Variants in B4GALNT2 observed in about 807,000 individuals in gnomAD.
The protein encoded by B4GALNT2 is N-acetylneuraminylgalactosylglucosyl-glucoside beta-1,4-N- acetylgalactosaminyltransferase 2.
Under a neutral mutation model 51.1 loss-of-function variants are expected in B4GALNT2, and 42 were observed. The ratio of observed to expected loss-of-function variants is 0.82; its 90% confidence interval spans 0.64 to 1.06. The LOEUF is 1.06. Among genes scored for constraint, B4GALNT2 ranks in the 50% least tolerant of loss-of-function variants. B4GALNT2 has a pLI of 0.00. For synonymous variants in B4GALNT2, 253 were observed against 251.7 expected (o/e 1.01, Z -0.05); for missense variants, 602 against 633.6 (o/e 0.95, Z 0.54).
rs1408428342 is a variant in B4GALNT2, at chr17:49,173,332, T to C, written c.*3604T>C. On this transcript the variant is annotated 3_prime_UTR_variant, in exon 11 of 11. Transcript: ENST00000393354. ...TGATAGGCCTATTAAAAGCAGTCAA[T>C]ACCTCAATTACAGCTATAAGCTCTG... 1 of 152,210 alleles carries C rather than the reference T, an allele frequency of 6.6e-6. No homozygotes were observed. The highest frequency in any genetic ancestry group is 2.4e-5 in the African/African-American group (1 of 41,438). The allele number at this position is 152,210 out of a possible 1,614,324, so 9.4% of individuals were successfully genotyped here.
intron 9 of B4GALNT2, 104 bp downstream of exon 9, chr17:49,166,358 G>C (rs1413813161): frequency 1.4e-6 from 1 of 730,500 alleles, no homozygotes; most frequent in Non-Finnish European, 2.1e-6. Flanking sequence ...GGGGGAGGGA[G>C]GGGAGGGAGG....
At chr17:49,134,958 T>C (rs2042577160) in intron 1 of B4GALNT2, among the ~76,000 whole-genome samples, 1 of 152,220 alleles carries the variant, frequency 6.6e-6, no homozygotes, top group Non-Finnish European at 1.5e-5. Context: ...GCATTTCTGC[T>C]ATCTAGCTGA....
the B4GALNT2 span, among the ~76,000 whole-genome samples, chr17:49,124,765 A>G: frequency 6.6e-6 from 1 of 152,220 alleles, no homozygotes; most frequent in Admixed American, 6.5e-5. Context: ...AAAGATTTTT[A>G]TAAAAATCTT....
intron 3 of B4GALNT2, among the ~76,000 whole-genome samples, chr17:49,151,044 G>A (rs1455165784): frequency 2.0e-5 from 3 of 152,006 alleles, no homozygotes; most frequent in East Asian, 1.9e-4. Context: ...GGGTCCCGAA[G>A]GCTAACATTT....
chr17:49,156,145 G>A (rs2042807692), intron 4 of B4GALNT2, among the ~76,000 whole-genome samples: 2 of 152,050 alleles, frequency 1.3e-5, no homozygotes, highest in East Asian at 1.9e-4. Context: ...CTGAAACTCT[G>A]TACCCATCCA....
intron 5 of B4GALNT2, 107 bp downstream of exon 5, chr17:49,156,710 G>T: frequency 2.3e-6 from 3 of 1,291,782 alleles, no homozygotes; most frequent in Non-Finnish European, 3.3e-6. Flanking sequence ...TTCAAGGTCA[G>T]ACATGAGCCC....
intron 4 of B4GALNT2, among the ~76,000 whole-genome samples, chr17:49,153,121 C>T (rs980745466): frequency 1.3e-5 from 2 of 150,898 alleles, no homozygotes; most frequent in East Asian, 3.9e-4. Context: ...AAAACAACAA[C>T]ATAAAAGGGG....
At position 49,169,900 on chromosome 17, in the gene B4GALNT2, A is replaced by G; in HGVS notation, c.*172A>G. On this transcript the variant is annotated 3_prime_UTR_variant, in exon 11 of 11. Transcript: ENST00000393354. Reference sequence around the variant, plus strand: ...CAATCAAAGGTGAAGGGTCACTGGAAATGAACCAGTCACTGACCAGGGCAA... The same window carrying G: ...CAATCAAAGGTGAAGGGTCACTGGAGATGAACCAGTCACTGACCAGGGCAA... 1.7e-6 allele frequency: 1 copy of G among 598,382 alleles called. No homozygotes were observed. The highest frequency in any genetic ancestry group is 2.8e-6 in the Non-Finnish European group (1 of 360,120). The allele number at this position is 598,382 out of a possible 1,614,324, so 37.1% of individuals were successfully genotyped here. A position where few individuals can be genotyped will look rare whatever the true frequency, so the allele number is the denominator to read the frequency against.
In B4GALNT2 at chr17:49,176,217, G is replaced by C. The variant is rs374848331; in HGVS notation, c.*6489G>C. The C allele has an allele frequency of 1.3e-5, 2 of 152,204 alleles. No individual in the cohort carries two copies. The highest frequency in any genetic ancestry group is 2.9e-5 in the Non-Finnish European group (2 of 68,064). The allele number at this position is 152,204 out of a possible 1,614,324, so 9.4% of individuals were successfully genotyped here. A position where few individuals can be genotyped will look rare whatever the true frequency, so the allele number is the denominator to read the frequency against. On this transcript the variant is annotated 3_prime_UTR_variant, in exon 11 of 11. Transcript: ENST00000393354. The stretch of plus-strand genomic sequence containing the variant: ...GGGCGCCACTTGCCGACACCAGCTC[G>C]GTCTTGGAGACCCTAACCCAGCGGC...
chr17:49,134,402 C>A (rs2042571237), intron 1 of B4GALNT2, among the ~76,000 whole-genome samples: 1 of 152,088 alleles, frequency 6.6e-6, no homozygotes, highest in Non-Finnish European at 1.5e-5. Flanking sequence ...CTATTTGAAA[C>A]TATATTATTA....
chr17:49,131,836 A>G (rs2042541557), upstream of B4GALNT2, among the ~76,000 whole-genome samples: 1 of 152,228 alleles, frequency 6.6e-6, no homozygotes, highest in Non-Finnish European at 1.5e-5. Context: ...TTTGCACGCC[A>G]TATTTAAAGA....
In B4GALNT2 at chr17:49,171,235, C is replaced by T. The variant is rs112632972; in HGVS notation, c.*1507C>T. On this transcript the variant is annotated 3_prime_UTR_variant, in exon 11 of 11. Transcript: ENST00000393354. ...GCTAATTCTCACAGGAGTCAGGATC[C>T]GCACCTGCAGACTATACAAAGACAA... is the stretch of plus-strand genomic sequence containing the variant. 8.5e-3 allele frequency: 1,942 copies of T among 227,352 alleles called. 39 individuals carry two copies. The highest frequency in any genetic ancestry group is 0.044 in the African/African-American group (1,847 of 42,068). 14.1% of individuals were successfully genotyped at this position (227,352 alleles called of 1,614,324 possible).
intron 3 of B4GALNT2, among the ~76,000 whole-genome samples, chr17:49,142,891 C>T (rs2042658230): frequency 6.6e-6 from 1 of 152,166 alleles, no homozygotes; most frequent in South Asian, 2.1e-4. Flanking sequence ...GGAGTGTATC[C>T]CTTTGTTTTA....
Position 49,166,249 on chromosome 17 carries a change from G to C in B4GALNT2, c.1090G>C (p.Asp364His). 6.2e-7 allele frequency: 1 copy of C among 1,613,502 alleles called. No homozygotes were observed. Among genetic ancestry groups the C allele is most frequent in the Non-Finnish European group, 8.5e-7 (1 of 1,179,896 alleles). Residue 364 changes from aspartate to histidine, a missense_variant, in exon 9 of 11, where the codon GAC becomes CAC. By Grantham distance (81) the Asp-to-His change is moderately conservative. Transcript: ENST00000393354. ...LVDVLEKTELDVVGGSVLGNV... is the reference protein window; with the variant it reads ...LVDVLEKTELHVVGGSVLGNV... ...GGATGTCCTGGAGAAAACAGAACTG[G>C]ACGTGGTAAGGGACAGTTGCCAGTT...
Position 49,169,808 on chromosome 17 carries a change from A to G in B4GALNT2, c.*80A>G. 2.2e-6 allele frequency: 3 copies of G among 1,338,970 alleles called. No individual in the cohort carries two copies. Among genetic ancestry groups the G allele is most frequent in the Non-Finnish European group, 3.0e-6 (3 of 998,522 alleles). The allele number at this position is 1,338,970 out of a possible 1,614,324, so 82.9% of individuals were successfully genotyped here. A position where few individuals can be genotyped will look rare whatever the true frequency, so the allele number is the denominator to read the frequency against. On this transcript the variant is annotated 3_prime_UTR_variant, in exon 11 of 11. Transcript: ENST00000393354. ...GGCCACCAAAAACTGGACTCCTGAT[A>G]GGTGAACGTTGTACCAAACCAGCTG...
At chr17:49,123,929 T>C in the B4GALNT2 span, among the ~76,000 whole-genome samples, 3 of 152,314 alleles carry the variant, frequency 2.0e-5, no homozygotes, top group South Asian at 2.1e-4. Context: ...GTTTTTCCAA[T>C]TGTGTCCTGT....
intron 4 of B4GALNT2, among the ~76,000 whole-genome samples, chr17:49,153,981 G>A (rs1207327108): frequency 6.6e-6 from 1 of 151,500 alleles, no homozygotes; most frequent in African/African-American, 2.4e-5. Flanking sequence ...ATGGGAACAG[G>A]CAAAACATAA....
At chr17:49,155,458 C>T (rs894235527) in intron 4 of B4GALNT2, among the ~76,000 whole-genome samples, 11 of 150,970 alleles carry the variant, frequency 7.3e-5, no homozygotes, top group East Asian at 3.9e-4. Flanking sequence ...GAAAATTTGT[C>T]GAATGTGGTG....
At chr17:49,124,693 G>A in the B4GALNT2 span, among the ~76,000 whole-genome samples, 1 of 152,014 alleles carries the variant, frequency 6.6e-6, no homozygotes, top group Non-Finnish European at 1.5e-5. Flanking sequence ...TTAATGTTAA[G>A]CTCAATTTTT....
Sources: allele counts gnomAD v4.1 joint callset (sites outside exome capture counted in the v4.1 genomes callset), GRCh38; gene constraint gnomAD v4.1.1; transcripts MANE v1.5; gene names NCBI Gene and HGNC (gene_info 2026-07-23, HGNC 2026-07-21).